The following EIF2AK1 variants were observed in gnomAD, a reference collection of about 807,000 sequenced individuals.
EIF2AK1 encodes the protein eukaryotic translation initiation factor 2-alpha kinase 1.
EIF2AK1 carries 54 observed loss-of-function variants against 77.9 expected under a neutral mutation model. The ratio of observed to expected loss-of-function variants is 0.69; its 90% confidence interval spans 0.56 to 0.87. The LOEUF (loss-of-function observed/expected upper bound fraction) is 0.87. Among genes scored for constraint, EIF2AK1 ranks in the 40% least tolerant of loss-of-function variants. The pLI is 0.00. For synonymous variants in EIF2AK1, 314 were observed against 290.5 expected, an observed-to-expected ratio of 1.08 and a Z score of -0.82; for missense variants, 810 against 768.6, an observed-to-expected ratio of 1.05 and a Z score of -0.64.
At chr7:6,040,014 T>A (rs192803613) in intron 9 of EIF2AK1, among the ~76,000 whole-genome samples, 173 of 152,316 alleles carry the variant, frequency 1.1e-3, no homozygotes, top group African/African-American at 4.0e-3. Flanking sequence ...GTAGATGGTA[T>A]ATACAGTTTT....
intron 7 of EIF2AK1, among the ~76,000 whole-genome samples, chr7:6,043,452 G>C (rs760121698): frequency 2.4e-4 from 37 of 151,350 alleles, no homozygotes; most frequent in Admixed American, 7.3e-4. Flanking sequence ...TTTTTTTGAG[G>C]CAGTCTCGCT....
chr7:6,049,572 T>C (rs1194421721), intron 3 of EIF2AK1, among the ~76,000 whole-genome samples: 2 of 151,182 alleles, frequency 1.3e-5, no homozygotes, highest in Non-Finnish European at 2.9e-5. Context: ...CAAAAATAAA[T>C]TGAAATTGTC....
In EIF2AK1 at chr7:6,036,239, G is replaced by A. The variant is rs560313261; in HGVS notation, c.1332+1185C>T. 2.8e-5 allele frequency: 43 copies of A among 1,549,346 alleles called. 1 individual carries two copies. In the Admixed American group the frequency reaches 3.4e-4, roughly 12 times the overall value. ...TAAGGGACACCCTAATAAAGCAATC[G>A]CAAAAACCTTTATCCCTACAGGGTA... On this transcript the variant is annotated intron_variant, in intron 11 of 14. Coordinates refer to ENST00000199389, the MANE Select transcript of EIF2AK1 (RefSeq NM_014413.4). The surrounding 1 kb of genome is among the most constrained non-coding windows in gnomAD (Gnocchi z 4.6).
intron 2 of EIF2AK1, among the ~76,000 whole-genome samples, chr7:6,051,102 A>C (rs555520497): frequency 6.6e-6 from 1 of 152,272 alleles, no homozygotes; most frequent in South Asian, 2.1e-4. Flanking sequence ...CTTACAACAA[A>C]AGTGACCATT....
chr7:6,056,598 G>GAAAAAA (rs1181376161), intron 1 of EIF2AK1, among the ~76,000 whole-genome samples: 2,687 of 48,690 alleles, frequency 0.055, 285 homozygotes, highest in East Asian at 0.33. Flanking sequence ...CATCTCAAGG[G>GAAAAAA]AAAAAAAAAA....
chr7:6,027,866 A>G lies in EIF2AK1; in HGVS notation c.1530+749T>C. 2.5e-6 allele frequency: 1 copy of G among 404,688 alleles called. No individual in the cohort carries two copies. Among genetic ancestry groups the G allele is most frequent in the Non-Finnish European group, 4.9e-6 (1 of 203,394 alleles). 25.1% of individuals were successfully genotyped at this position (404,688 alleles called of 1,614,324 possible). Reference sequence around the variant, plus strand: ...AATCATTTGAGGCCAGGAGTTTGAGACCAACCTGGACAAAGCAAGACCCAT... The same window carrying G: ...AATCATTTGAGGCCAGGAGTTTGAGGCCAACCTGGACAAAGCAAGACCCAT... On this transcript the variant is annotated intron_variant, in intron 13 of 14. Coordinates refer to ENST00000199389, the MANE Select transcript of EIF2AK1 (RefSeq NM_014413.4). This position sits in a 1 kb window ranked among gnomAD's most constrained non-coding sequence, Gnocchi z 4.5.
rs1788459071 is a variant in EIF2AK1, at chr7:6,046,881, C to T, written c.549+111G>A. 7.8e-6 allele frequency: 8 copies of T among 1,019,138 alleles called. No individual in the cohort carries two copies. The South Asian group carries it at 9.2e-5, about 12-fold the overall frequency. 63.1% of individuals were successfully genotyped at this position (1,019,138 alleles called of 1,614,324 possible). On this transcript the variant is annotated intron_variant, in intron 5 of 14. Coordinates refer to ENST00000199389, the MANE Select transcript of EIF2AK1 (RefSeq NM_014413.4). ...TGCGCCGCGCACTCCAGCCTGGCGA[C>T]AGAGCGAGACTCCATCTCAAAAAAA...
chr7:6,040,309 T>C (rs886572914), intron 9 of EIF2AK1, among the ~76,000 whole-genome samples: 3 of 152,040 alleles, frequency 2.0e-5, no homozygotes, highest in African/African-American at 7.2e-5. Flanking sequence ...CTCCTTGGCC[T>C]CCCAAACTGC....
intron 1 of EIF2AK1, 133 bp downstream of exon 1, chr7:6,058,832 TG>T: frequency 1.4e-6 from 1 of 721,876 alleles, no homozygotes; most frequent in Non-Finnish European, 2.1e-6. Context: ...ACTGCGCGGC[TG>T]GGCCGCCGGT....
chr7:6,026,722 A>G lies in EIF2AK1; in HGVS notation c.1764+6T>C, dbSNP rs780404294. ...CTCCAGGACCAAGAGAAAGAAAAGC[A>G]CATACATTTCCAGAATTTTGGAAAA... On this transcript the variant is annotated splice_donor_region_variant and intron_variant, in intron 14 of 14. Transcript: ENST00000199389. 11 of 1,609,544 alleles carry G rather than the reference A, an allele frequency of 6.8e-6. No individual in the cohort carries two copies. The highest frequency in any genetic ancestry group is 3.3e-5 in the Admixed American group (2 of 60,004).
At chr7:6,055,279 G>A (rs1308040820) in intron 1 of EIF2AK1, among the ~76,000 whole-genome samples, 4 of 143,582 alleles carry the variant, frequency 2.8e-5, no homozygotes, top group Non-Finnish European at 4.5e-5. Flanking sequence ...GGAGGCAGAA[G>A]TTGCGGTGAG....
Position 6,042,982 on chromosome 7 carries a change from C to G in EIF2AK1, c.742G>C (p.Ala248Pro). 1 of 1,614,152 alleles carries G rather than the reference C, an allele frequency of 6.2e-7. No homozygotes were observed. Among genetic ancestry groups the G allele is most frequent in the Non-Finnish European group, 8.5e-7 (1 of 1,179,992 alleles). Reference protein sequence around the residue: ...HVIQPRADRAAIELPSLEVLS... With the variant: ...HVIQPRADRAPIELPSLEVLS... Reference sequence around the variant, plus strand: ...ACTTCCAGAGATGGCAACTCAATGGCAGCTCTGTCTGCTGAATGAAAACAA... The same window carrying G: ...ACTTCCAGAGATGGCAACTCAATGGGAGCTCTGTCTGCTGAATGAAAACAA... Residue 248 changes from alanine (A) to proline (P), a missense_variant, in exon 8 of 15, where the codon GCC becomes CCC. By Grantham distance (27) the Ala-to-Pro change is conservative. Transcript: ENST00000199389.
At position 6,059,100 on chromosome 7, in the gene EIF2AK1, G is replaced by A. The variant is rs1788882038; in HGVS notation, c.-17C>T. On this transcript the variant is annotated 5_prime_UTR_variant, in exon 1 of 15. Coordinates refer to ENST00000199389, the MANE Select transcript of EIF2AK1 (RefSeq NM_014413.4). ...CCCCTGCATCGCCGGCCGCGCGCGG[G>A]CCGCAGCCCAGCCCGCCGGCCAGCC... The A allele has an allele frequency of 1.5e-6, 2 of 1,364,402 alleles. No homozygotes were observed. Among genetic ancestry groups the A allele is most frequent in the Non-Finnish European group, 9.4e-7 (1 of 1,063,456 alleles). 84.5% of individuals were successfully genotyped at this position (1,364,402 alleles called of 1,614,324 possible).
chr7:6,025,419 CA>C (rs1787714178), intron 14 of EIF2AK1, among the ~76,000 whole-genome samples: 1 of 151,962 alleles, frequency 6.6e-6, no homozygotes, highest in South Asian at 2.1e-4. Context: ...CTCAGCCTCC[CA>C]AAGTGCTGGG....
chr7:6,023,056 G>T lies in EIF2AK1; in HGVS notation c.*1617C>A. ...AGCAGGTGGTCTGAGGTCCCTTCTA[G>T]CTTCAGAAGTGTCATAATCAAATAC... On this transcript the variant is annotated 3_prime_UTR_variant, in exon 15 of 15. Coordinates refer to ENST00000199389, the MANE Select transcript of EIF2AK1 (RefSeq NM_014413.4). 2.0e-5 allele frequency: 9 copies of T among 457,670 alleles called. No homozygotes were observed. Among genetic ancestry groups the T allele is most frequent in the South Asian group, 7.1e-5 (2 of 28,320 alleles). 28.4% of individuals were successfully genotyped at this position (457,670 alleles called of 1,614,324 possible).
rs761471943 is a variant in EIF2AK1 at position 6,023,307 on chromosome 7, G to A, written c.*1366C>T. Reference sequence around the variant, plus strand: ...TGGCGTGTTTTTTCTTTTCAGTGCCGAAGACGCAGATGAAATTCAGCATCC... The same window carrying A: ...TGGCGTGTTTTTTCTTTTCAGTGCCAAAGACGCAGATGAAATTCAGCATCC... On this transcript the variant is annotated 3_prime_UTR_variant, in exon 15 of 15. Coordinates refer to ENST00000199389, the MANE Select transcript of EIF2AK1 (RefSeq NM_014413.4). 8.2e-6 allele frequency: 13 copies of A among 1,593,802 alleles called. No individual in the cohort carries two copies. Among genetic ancestry groups the A allele is most frequent in the African/African-American group, 8.1e-5 (6 of 73,970 alleles).
chr7:6,037,826 C>T (rs1007671891), intron 10 of EIF2AK1, among the ~76,000 whole-genome samples: 3 of 151,628 alleles, frequency 2.0e-5, no homozygotes, highest in Non-Finnish European at 2.9e-5. Context: ...AAATAATTCT[C>T]GGGTATCAGG....
chr7:6,054,960 T>C (rs1259923189), intron 1 of EIF2AK1, among the ~76,000 whole-genome samples: 1 of 152,016 alleles, frequency 6.6e-6, no homozygotes, highest in African/African-American at 2.4e-5. Flanking sequence ...TGTCCAATAG[T>C]ACAAATAAAT....
Position 6,046,070 on chromosome 7 carries a change from C to T in EIF2AK1, c.630+1G>A, listed in dbSNP as rs1175710849. On this transcript the variant is annotated splice_donor_variant, in intron 6 of 14. Transcript: ENST00000199389. LOFTEE classifies it high-confidence loss of function. ...AAATAAGTAATTTTTAAAAATCATACCTTCATGCAAACTGTTTTAGTTGCA... is the reference window on the plus strand; with the variant it reads ...AAATAAGTAATTTTTAAAAATCATATCTTCATGCAAACTGTTTTAGTTGCA... The T allele has an allele frequency of 4.6e-6, 7 of 1,522,934 alleles. No homozygotes were observed. Among genetic ancestry groups the T allele is most frequent in the Non-Finnish European group, 5.3e-6 (6 of 1,122,684 alleles). The allele number at this position is 1,522,934 out of a possible 1,614,324, so 94.3% of individuals were successfully genotyped here. A position where few individuals can be genotyped will look rare whatever the true frequency, so the allele number is the denominator to read the frequency against.
Sources: allele counts gnomAD v4.1 joint callset (sites outside exome capture counted in the v4.1 genomes callset), GRCh38; gene constraint gnomAD v4.1.1; non-coding constraint Gnocchi (gnomAD v3.1); transcripts MANE v1.5; gene names NCBI Gene and HGNC (gene_info 2026-07-23, HGNC 2026-07-21).